KCNH8: variants seen among roughly 807,000 people sequenced by gnomAD.
The protein encoded by KCNH8 is potassium voltage-gated channel subfamily H member 8.
In KCNH8, 70 loss-of-function variants were observed where a neutral mutation model predicts 103.6. The ratio of observed to expected loss-of-function variants is 0.68; its 90% CI spans 0.56 to 0.82. The LOEUF is 0.82. KCNH8 is among the 40% of genes least tolerant of loss of function. The pLI is 0.00. For synonymous variants in KCNH8, 498 were observed against 489.4 expected (o/e 1.02, Z -0.23); for missense variants, 1,217 against 1,329.9 (o/e 0.92, Z 1.32).
intron 5 of KCNH8, among the ~76,000 whole-genome samples, chr3:19,365,620 T>C (rs1206743826): frequency 6.6e-6 from 1 of 152,040 alleles, no homozygotes; most frequent in East Asian, 1.9e-4. Flanking sequence ...ACGTACTGAG[T>C]GCCTATCATT....
At chr3:19,333,485 T>C (rs935088428) in intron 3 of KCNH8, among the ~76,000 whole-genome samples, 3 of 152,176 alleles carry the variant, frequency 2.0e-5, no homozygotes, top group African/African-American at 4.8e-5. Flanking sequence ...CAGACAACAC[T>C]TCCCCTGTTG....
At chr3:19,399,595 T>C (rs2066578721) in intron 7 of KCNH8, among the ~76,000 whole-genome samples, 1 of 151,932 alleles carries the variant, frequency 6.6e-6, no homozygotes, top group Admixed American at 6.6e-5. Flanking sequence ...TGTCTATGAG[T>C]GTGGCAATAC....
chr3:19,254,802 C>T (rs557482424), intron 2 of KCNH8, among the ~76,000 whole-genome samples: 2 of 152,146 alleles, frequency 1.3e-5, no homozygotes, highest in African/African-American at 4.8e-5. Flanking sequence ...AAAAATATTT[C>T]CCAGCATTCT....
chr3:19,370,444 A>T (rs2066072779), intron 5 of KCNH8, among the ~76,000 whole-genome samples: 1 of 152,042 alleles, frequency 6.6e-6, no homozygotes, highest in African/African-American at 2.4e-5. Context: ...CATAGGACAC[A>T]CTGCTACTGA....
chr3:19,298,901 G>T (rs1271855489), intron 3 of KCNH8, among the ~76,000 whole-genome samples: 1 of 136,020 alleles, frequency 7.4e-6, no homozygotes, highest in African/African-American at 2.8e-5. Flanking sequence ...CGGCCTGGGC[G>T]ACCTAGCGAG....
At chr3:19,293,616 C>T (rs1389183018) in intron 3 of KCNH8, among the ~76,000 whole-genome samples, 1 of 152,192 alleles carries the variant, frequency 6.6e-6, no homozygotes, top group African/African-American at 2.4e-5. Context: ...CCCAACCATC[C>T]AGATTAAGCT....
intron 7 of KCNH8, among the ~76,000 whole-genome samples, chr3:19,435,320 G>A (rs2067182896): frequency 6.6e-6 from 1 of 152,140 alleles, no homozygotes; most frequent in Non-Finnish European, 1.5e-5. Context: ...ATGTCCCTGA[G>A]CCTTATTTTT....
At chr3:19,445,390 G>A (rs1173825192) in intron 8 of KCNH8, among the ~76,000 whole-genome samples, 2 of 151,704 alleles carry the variant, frequency 1.3e-5, no homozygotes, top group South Asian at 2.1e-4. Context: ...TATTTATCTC[G>A]GGTGGTGGGA....
At chr3:19,234,611 C>T (rs781226816) in intron 1 of KCNH8, among the ~76,000 whole-genome samples, 34 of 149,718 alleles carry the variant, frequency 2.3e-4, no homozygotes, top group Non-Finnish European at 1.0e-4. Context: ...CGGTTCCCGC[C>T]CGCGCTTCTC....
chr3:19,239,678 C>CTGTCTATCTATG (rs1553627714), intron 1 of KCNH8, among the ~76,000 whole-genome samples: 1 of 151,600 alleles, frequency 6.6e-6, no homozygotes, highest in African/African-American at 2.4e-5. Context: ...ATCTATCTAT[C>CTGTCTATCTATG]TATCTACCTA....
intron 8 of KCNH8, among the ~76,000 whole-genome samples, chr3:19,444,554 G>C (rs2067334430): frequency 6.6e-6 from 1 of 151,680 alleles, no homozygotes; most frequent in Admixed American, 6.6e-5. Context: ...TAAATGTGAA[G>C]AGAGAAGCTA....
chr3:19,470,818 C>T (rs997244975), intron 11 of KCNH8, among the ~76,000 whole-genome samples: 3 of 152,132 alleles, frequency 2.0e-5, no homozygotes, highest in Non-Finnish European at 4.4e-5. Flanking sequence ...ATCTCAGCAA[C>T]ATTTTCACAG....
intron 1 of KCNH8, among the ~76,000 whole-genome samples, chr3:19,202,062 T>C (rs915864438): frequency 6.6e-6 from 1 of 152,154 alleles, no homozygotes; most frequent in Non-Finnish European, 1.5e-5. Context: ...TTCATAAATG[T>C]ATTTGCAGCA....
chr3:19,237,730 T>TA (rs1037900401), intron 1 of KCNH8, among the ~76,000 whole-genome samples: 24 of 152,322 alleles, frequency 1.6e-4, no homozygotes, highest in African/African-American at 5.5e-4. Context: ...TCTGATTCAC[T>TA]AAAGTACATG....
intron 5 of KCNH8, among the ~76,000 whole-genome samples, chr3:19,374,560 T>C (rs915410833): frequency 9.9e-5 from 15 of 152,224 alleles, no homozygotes; most frequent in Non-Finnish European, 1.8e-4. Context: ...CTTTATCCAG[T>C]TTGCCAGTCT....
intron 4 of KCNH8, among the ~76,000 whole-genome samples, chr3:19,345,994 C>T (rs897790484): frequency 2.0e-5 from 3 of 151,932 alleles, no homozygotes; most frequent in African/African-American, 4.8e-5. Flanking sequence ...TTTGAGTTTT[C>T]CCAAATCATT....
chr3:19,331,069 T>G (rs1559479601), intron 3 of KCNH8, among the ~76,000 whole-genome samples: 1 of 152,000 alleles, frequency 6.6e-6, no homozygotes, highest in Non-Finnish European at 1.5e-5. Context: ...CAAGGTAGTA[T>G]AAAGTTTTTC....
At chr3:19,334,985 T>G (rs1213587729) in intron 3 of KCNH8, among the ~76,000 whole-genome samples, 1 of 152,012 alleles carries the variant, frequency 6.6e-6, no homozygotes, top group East Asian at 1.9e-4. Flanking sequence ...GCATTCTTTC[T>G]TTTTTATTTT....
chr3:19,258,906 T>TCTCTCC (rs1559446758), intron 2 of KCNH8, among the ~76,000 whole-genome samples: 1 of 27,422 alleles, frequency 3.6e-5, no homozygotes, highest in Non-Finnish European at 7.2e-5. Flanking sequence ...ATTTTCTGTT[T>TCTCTCC]CTCTCTCTCT....
Sources: gnomAD v4.1 joint callset for allele counts (sites outside exome capture counted in the v4.1 genomes callset) on GRCh38, gnomAD v4.1.1 for gene constraint, MANE v1.5 for transcripts, NCBI Gene and HGNC (gene_info 2026-07-23, HGNC 2026-07-21) for gene names.